Variants in SYNRG observed in about 807,000 individuals in gnomAD.
The protein encoded by SYNRG is synergin gamma.
In SYNRG, 37 loss-of-function variants were observed where a neutral mutation model predicts 130.9. The observed-to-expected ratio is 0.28, with a 90% CI of 0.22 to 0.37. The LOEUF (loss-of-function observed/expected upper bound fraction) is 0.37. SYNRG is among the 10% of genes least tolerant of loss of function. The pLI is 1.00. For synonymous variants in SYNRG, 539 were observed against 568.1 expected (o/e 0.95, Z 0.73); for missense variants, 1,338 against 1,588.9 (o/e 0.84, Z 2.68).
In SYNRG at chr17:37,568,849, T is replaced by C; in HGVS notation, c.1423A>G (p.Ser475Gly). Residue 475 changes from serine (S) to glycine (G), a missense_variant, in exon 11 of 22, where the codon AGT becomes GGT. This residue lies in a region of SYNRG where 1,146 missense variants were observed against 1,342.3 expected (regional missense o/e 0.85). Coordinates refer to ENST00000612223, the MANE Select transcript of SYNRG (RefSeq NM_007247.6). Reference sequence around the variant, plus strand: ...GAAGCAGGCAACTCTTGGAAATCACTGAATGAGTCATCAAGGGATCCTGAC... The same window carrying C: ...GAAGCAGGCAACTCTTGGAAATCACCGAATGAGTCATCAAGGGATCCTGAC... ...SKSGSLDDSF[S>G]DFQELPASSK... 6.2e-7 allele frequency: 1 copy of C among 1,614,178 alleles called. No individual in the cohort carries two copies. Among genetic ancestry groups the C allele is most frequent in the Non-Finnish European group, 8.5e-7 (1 of 1,180,018 alleles).
In SYNRG at chr17:37,576,208, C is replaced by A. The variant is rs1022701354; in HGVS notation, c.901+133G>T. The stretch of plus-strand genomic sequence containing the variant: ...ACGACATTTATTTAATTTCTGTACT[C>A]TTTCAGAAAAAAAGAAAAGTGACAA... On this transcript the variant is annotated intron_variant, in intron 8 of 21. Transcript: ENST00000612223. 7.7e-6 allele frequency: 6 copies of A among 780,758 alleles called. No homozygotes were observed. In the Admixed American group the frequency reaches 1.4e-4, roughly 18 times the overall value. The allele number at this position is 780,758 out of a possible 1,614,324, so 48.4% of individuals were successfully genotyped here. A position where few individuals can be genotyped will look rare whatever the true frequency, so the allele number is the denominator to read the frequency against.
At chr17:37,547,054 A>C (rs9899130) in intron 14 of SYNRG, among the ~76,000 whole-genome samples, 2 of 152,220 alleles carry the variant, frequency 1.3e-5, no homozygotes, top group Non-Finnish European at 2.9e-5. Flanking sequence ...TGATCACAGT[A>C]TAAGTGACAG....
chr17:37,609,147 G>A, intron 1 of SYNRG, 132 bp downstream of exon 1: 1 of 1,081,958 alleles, frequency 9.2e-7, no homozygotes, highest in Non-Finnish European at 1.2e-6. Context: ...TGGGTCCCTG[G>A]GGGATGACCC....
At chr17:37,599,102 C>T (rs913079734) in intron 2 of SYNRG, among the ~76,000 whole-genome samples, 2 of 152,216 alleles carry the variant, frequency 1.3e-5, no homozygotes, top group Admixed American at 6.5e-5. Context: ...TCTTTTATCT[C>T]TACTGCTGAC....
intron 1 of SYNRG, among the ~76,000 whole-genome samples, chr17:37,608,813 T>C (rs1363276265): frequency 2.0e-5 from 3 of 151,972 alleles, no homozygotes; most frequent in Non-Finnish European, 4.4e-5. Context: ...AAGAGACAAA[T>C]AGTCCACACA....
At chr17:37,541,658 A>T in intron 15 of SYNRG, 1 of 388,572 alleles carries the variant, frequency 2.6e-6, no homozygotes, top group Admixed American at 4.1e-5. Flanking sequence ...GAGCGGAGCT[A>T]ATGTGCCTAC....
chr17:37,569,783 CAA>C (rs1160696961), intron 10 of SYNRG, among the ~76,000 whole-genome samples: 4 of 150,706 alleles, frequency 2.7e-5, no homozygotes, highest in Non-Finnish European at 5.9e-5. Flanking sequence ...CATACATGTA[CAA>C]AGAGTGGACA....
At chr17:37,573,925 C>T (rs1246007106) in intron 8 of SYNRG, among the ~76,000 whole-genome samples, 2 of 152,012 alleles carry the variant, frequency 1.3e-5, no homozygotes, top group African/African-American at 4.8e-5. Context: ...CCACAAAGGA[C>T]CCAGAATAGC....
intron 13 of SYNRG, among the ~76,000 whole-genome samples, chr17:37,560,537 C>G (rs2059446418): frequency 6.6e-6 from 1 of 151,952 alleles, no homozygotes; most frequent in Non-Finnish European, 1.5e-5. Flanking sequence ...TGGGGTCTTA[C>G]CATGTTGGCC....
At chr17:37,575,323 AAAG>A (rs1278730251) in intron 8 of SYNRG, among the ~76,000 whole-genome samples, 1 of 152,184 alleles carries the variant, frequency 6.6e-6, no homozygotes, top group Non-Finnish European at 1.5e-5. Flanking sequence ...TTCATAACAC[AAAG>A]AAGTAATACA....
rs199842379 is a variant in SYNRG at position 37,553,325 on chromosome 17, A to C, written c.2398T>G (p.Phe800Val). Residue 800 changes from phenylalanine to valine, a missense_variant, in exon 14 of 22, where the codon TTC becomes GTC. This residue lies in a region of SYNRG where 1,146 missense variants were observed against 1,342.3 expected (regional missense o/e 0.85). Transcript: ENST00000612223. Reference protein sequence around the residue: ...DKSLGEKAVAFRHTKEDSASV... With the variant: ...DKSLGEKAVAVRHTKEDSASV... ...GCAGAGTCTTCTTTGGTGTGTCTGAAAGCCACTGCTTTCTCTCCCAGGGAT... is the reference window on the plus strand; with the variant it reads ...GCAGAGTCTTCTTTGGTGTGTCTGACAGCCACTGCTTTCTCTCCCAGGGAT... 363 of 1,614,218 alleles carry C rather than the reference A, an allele frequency of 2.2e-4. 1 individual carries two copies. Among genetic ancestry groups the C allele is most frequent in the Admixed American group, 7.2e-4 (43 of 60,028 alleles).
At position 37,553,404 on chromosome 17, in the gene SYNRG, A is replaced by C. The variant is rs141612902; in HGVS notation, c.2319T>G (p.Asp773Glu). ...TGGAGTGGAAGTCAGCAAAATCATC[A>C]TCACTTTTTCCTGAAGGAGTGTTAT... ...LKDNTPSGKS[D>E]DDFADFHSSK... is the part of the protein sequence containing the mutation. Residue 773 changes from aspartate to glutamate, a missense_variant, in exon 14 of 22, where the codon GAT (aspartate) becomes GAG (glutamate). Asp to Glu is a conservative substitution (Grantham distance 45, BLOSUM62 2). Coordinates refer to ENST00000612223, the MANE Select transcript of SYNRG (RefSeq NM_007247.6). The C allele has an allele frequency of 1.2e-6, 2 of 1,614,184 alleles. No individual in the cohort carries two copies. Among genetic ancestry groups the C allele is most frequent in the Non-Finnish European group, 1.7e-6 (2 of 1,180,026 alleles).
At chr17:37,588,430 T>C (rs1452148614) in intron 3 of SYNRG, among the ~76,000 whole-genome samples, 1 of 151,922 alleles carries the variant, frequency 6.6e-6, no homozygotes, top group Non-Finnish European at 1.5e-5. Flanking sequence ...ACCCAACTAA[T>C]TTTTGTATTT....
intron 14 of SYNRG, among the ~76,000 whole-genome samples, chr17:37,552,378 C>A (rs1032901463): frequency 6.6e-6 from 1 of 152,112 alleles, no homozygotes; most frequent in African/African-American, 2.4e-5. Context: ...TGTAAATCTA[C>A]ACAGAATTTA....
intron 19 of SYNRG, among the ~76,000 whole-genome samples, chr17:37,534,046 T>C (rs939436422): frequency 1.4e-4 from 21 of 145,576 alleles, no homozygotes; most frequent in Non-Finnish European, 2.8e-4. Flanking sequence ...GCAATTCTCC[T>C]GCCTCAGCCT....
Position 37,607,258 on chromosome 17 carries a change from G to A in SYNRG, c.77+2021C>T, listed in dbSNP as rs543957916. Among the ~76,000 whole-genome samples the A allele has an allele frequency of 2.6e-5, 4 of 152,112 alleles. No homozygotes were observed. The East Asian group carries it at 7.7e-4, about 29-fold the overall frequency. ...CAACCCATATTTATTTTAAAAATTT[G>A]TGTCCATGGACCAATGATACTCAAA... On this transcript the variant is annotated intron_variant, in intron 1 of 21. Transcript: ENST00000612223.
At chr17:37,544,080 C>T (rs1334901357) in intron 14 of SYNRG, among the ~76,000 whole-genome samples, 1 of 152,200 alleles carries the variant, frequency 6.6e-6, no homozygotes. Flanking sequence ...CTGACATTTC[C>T]ATAGCTCTTC....
At chr17:37,529,538 C>CAAAAAAA (rs3049513) in intron 19 of SYNRG, among the ~76,000 whole-genome samples, 12 of 124,602 alleles carry the variant, frequency 9.6e-5, no homozygotes, top group African/African-American at 1.9e-4. Flanking sequence ...ATATATTTTA[C>CAAAAAAA]AAAAAAAAAA....
chr17:37,546,638 C>CA (rs2058301529), intron 14 of SYNRG, among the ~76,000 whole-genome samples: 2 of 152,184 alleles, frequency 1.3e-5, no homozygotes, highest in Admixed American at 1.3e-4. Context: ...GCTGCTACTA[C>CA]AGGACACAGA....
Sources: allele counts gnomAD v4.1 joint callset (sites outside exome capture counted in the v4.1 genomes callset), GRCh38; gene constraint gnomAD v4.1.1; regional missense constraint gnomAD v4.1.1; transcripts MANE v1.5; gene names NCBI Gene and HGNC (gene_info 2026-07-23, HGNC 2026-07-21).